The following NRXN1 variants were observed in gnomAD, a reference collection of about 807,000 sequenced individuals.
NRXN1 encodes neurexin 1.
NRXN1 carries 39 observed loss-of-function variants against 150.9 expected under a neutral mutation model. That is an observed-to-expected ratio of 0.26 (90% CI 0.20 to 0.34). The LOEUF is 0.34. Among genes scored for constraint, NRXN1 ranks in the 10% least tolerant of loss-of-function variants. The probability of loss-of-function intolerance (pLI) is 1.00; values close to 1 mark genes in which losing one functional copy is unlikely to be tolerated. For missense variants in NRXN1, 1,815 were observed against 1,949.9 expected, an observed-to-expected ratio of 0.93 and a Z score of 1.30; for synonymous variants, 924 against 757.0, an observed-to-expected ratio of 1.22 and a Z score of -3.62.
chr2:49,988,471 T>C (rs1681330268), intron 21 of NRXN1, among the ~76,000 whole-genome samples: 1 of 152,126 alleles, frequency 6.6e-6, no homozygotes, highest in African/African-American at 2.4e-5. Flanking sequence ...ATACTAGTTG[T>C]CTTTTGCTTT....
chr2:50,173,292 C>T (rs1411419033), intron 18 of NRXN1, among the ~76,000 whole-genome samples: 1 of 152,194 alleles, frequency 6.6e-6, no homozygotes, highest in African/African-American at 2.4e-5. Context: ...ACTTAAGTCT[C>T]ATGATGGAAA....
chr2:51,012,334 A>G (rs1429881336), intron 2 of NRXN1, among the ~76,000 whole-genome samples: 1 of 152,068 alleles, frequency 6.6e-6, no homozygotes, highest in Non-Finnish European at 1.5e-5. Context: ...TGGTGACTTA[A>G]TTAAGAGTGT....
chr2:50,146,497 G>A lies in NRXN1; in HGVS notation c.3547-55003C>T, dbSNP rs539649248. On this transcript the variant is annotated intron_variant, in intron 18 of 22. Transcript: ENST00000401669. ...CATTTGTTAGATTATATAGAGTAATGCTAAATATTTAAATCAGCAAATCAT... is the reference window on the plus strand; with the variant it reads ...CATTTGTTAGATTATATAGAGTAATACTAAATATTTAAATCAGCAAATCAT... 4.4e-4 allele frequency among the ~76,000 whole-genome samples: 66 copies of A among 151,612 alleles called. 1 individual carries two copies. The highest frequency in any genetic ancestry group is 8.7e-4 in the Non-Finnish European group (59 of 67,740).
At chr2:50,657,571 C>T (rs1686676652) in intron 5 of NRXN1, among the ~76,000 whole-genome samples, 1 of 151,918 alleles carries the variant, frequency 6.6e-6, no homozygotes, top group East Asian at 1.9e-4. Flanking sequence ...GAGCGTTATT[C>T]CCTGTGACAG....
chr2:50,468,286 G>C (rs2089120245), intron 16 of NRXN1, among the ~76,000 whole-genome samples: 1 of 151,510 alleles, frequency 6.6e-6, no homozygotes, highest in African/African-American at 2.4e-5. Context: ...CCATATTGTA[G>C]AGCAGCAACT....
chr2:50,259,605 A>C (rs2068048825), intron 17 of NRXN1, among the ~76,000 whole-genome samples: 1 of 151,852 alleles, frequency 6.6e-6, no homozygotes, highest in Admixed American at 6.6e-5. Context: ...CCAAACTCAA[A>C]GTTATAAACA....
chr2:50,574,055 A>G (rs532398459), intron 8 of NRXN1, among the ~76,000 whole-genome samples: 22 of 152,250 alleles, frequency 1.4e-4, no homozygotes, highest in Middle Eastern at 3.4e-3. Context: ...GAAGTCTCCA[A>G]CAGTTTTTCC....
chr2:50,189,655 C>A (rs148683921), intron 18 of NRXN1, among the ~76,000 whole-genome samples: 2,707 of 152,032 alleles, frequency 0.018, 46 homozygotes, highest in Non-Finnish European at 0.024. Flanking sequence ...TAGAATGAGT[C>A]ATCTCAAAAC....
At chr2:50,312,155 G>T (rs546385535) in intron 17 of NRXN1, among the ~76,000 whole-genome samples, 14 of 152,214 alleles carry the variant, frequency 9.2e-5, no homozygotes, top group African/African-American at 3.4e-4. Flanking sequence ...TCCTGAGAAA[G>T]ACTCCTAATA....
intron 21 of NRXN1, among the ~76,000 whole-genome samples, chr2:50,008,329 C>G (rs1235451470): frequency 6.6e-6 from 1 of 152,054 alleles, no homozygotes; most frequent in African/African-American, 2.4e-5. Context: ...TCTATATCCT[C>G]TTGGAGGTAG....
At chr2:50,608,870 A>T (rs75565627) in intron 8 of NRXN1, among the ~76,000 whole-genome samples, 15,755 of 152,096 alleles carry the variant, frequency 0.1, 845 homozygotes, top group African/African-American at 0.12. Context: ...CATTCTTAAG[A>T]ACTAAAATAA....
intron 17 of NRXN1, among the ~76,000 whole-genome samples, chr2:50,277,354 C>T (rs1315911790): frequency 1.5e-5 from 1 of 66,864 alleles, no homozygotes; most frequent in African/African-American, 5.0e-5. Flanking sequence ...GTTGACATTG[C>T]TTGGCCAAGA....
At chr2:50,187,137 TA>T (rs2061129646) in intron 18 of NRXN1, among the ~76,000 whole-genome samples, 1 of 152,016 alleles carries the variant, frequency 6.6e-6, no homozygotes, top group Non-Finnish European at 1.5e-5. Flanking sequence ...AGATCACACC[TA>T]AAACATGTGC....
intron 19 of NRXN1, among the ~76,000 whole-genome samples, chr2:50,086,732 T>C (rs1458002264): frequency 6.6e-6 from 1 of 151,946 alleles, no homozygotes; most frequent in Non-Finnish European, 1.5e-5. Flanking sequence ...ATTTCATTGG[T>C]ACCTAATGCT....
intron 5 of NRXN1, among the ~76,000 whole-genome samples, chr2:50,708,221 C>T (rs1694702741): frequency 6.6e-6 from 1 of 152,158 alleles, no homozygotes; most frequent in Non-Finnish European, 1.5e-5. Context: ...GATTCCTGAT[C>T]TAGGTTCTTC....
At position 51,008,521 on chromosome 2, in the gene NRXN1, T is replaced by G. The variant is rs529905784; in HGVS notation, c.772+18981A>C. 3.3e-5 allele frequency among the ~76,000 whole-genome samples: 5 copies of G among 152,032 alleles called. 1 individual carries two copies. Among genetic ancestry groups the G allele is most frequent in the African/African-American group, 1.2e-4 (5 of 41,544 alleles). ...TTAAGTGAGATAATAATCACAAAGT[T>G]GATCACTGCAGGGTATGGCATACAA... is the stretch of plus-strand genomic sequence containing the variant. On this transcript the variant is annotated intron_variant, in intron 2 of 22. Coordinates refer to ENST00000401669, the MANE Select transcript of NRXN1 (RefSeq NM_001330078.2).
At chr2:50,381,331 T>C (rs2080944014) in intron 17 of NRXN1, among the ~76,000 whole-genome samples, 2 of 152,058 alleles carry the variant, frequency 1.3e-5, no homozygotes, top group Non-Finnish European at 2.9e-5. Flanking sequence ...TCATCTTATA[T>C]TGTGAACAAA....
intron 17 of NRXN1, among the ~76,000 whole-genome samples, chr2:50,454,859 A>C (rs2087382146): frequency 6.6e-6 from 1 of 152,294 alleles, no homozygotes; most frequent in African/African-American, 2.4e-5. Flanking sequence ...TCTAGACAGT[A>C]AATATTTGGG....
At chr2:50,971,127 G>A (rs920992020) in intron 2 of NRXN1, among the ~76,000 whole-genome samples, 2 of 152,022 alleles carry the variant, frequency 1.3e-5, no homozygotes, top group Non-Finnish European at 2.9e-5. Flanking sequence ...TCTTTTGTTT[G>A]AAGAAAGTTC....
Sources: gnomAD v4.1 joint callset for allele counts (sites outside exome capture counted in the v4.1 genomes callset) on GRCh38, gnomAD v4.1.1 for gene constraint, MANE v1.5 for transcripts, NCBI Gene and HGNC (gene_info 2026-07-23, HGNC 2026-07-21) for gene names.